Variants in ME1 observed in about 807,000 individuals in gnomAD.
ME1 encodes NADP-dependent malic enzyme.
ME1 carries 74 observed loss-of-function variants against 66.4 expected under a neutral mutation model. The ratio of observed to expected loss-of-function variants is 1.11; its 90% CI spans 0.92 to 1.35. ME1 has a LOEUF of 1.35. ME1 is among the 40% of genes most tolerant of loss of function. ME1 has a pLI of 0.00. For missense variants in ME1, 750 were observed against 694.1 expected, an observed-to-expected ratio of 1.08 and a Z score of -0.90; for synonymous variants, 251 against 235.6, an observed-to-expected ratio of 1.07 and a Z score of -0.60.
intron 6 of ME1, among the ~76,000 whole-genome samples, chr6:83,286,972 C>T: frequency 6.6e-6 from 1 of 152,044 alleles, no homozygotes; most frequent in South Asian, 2.1e-4. Context: ...TATTATTAAG[C>T]ACTTACTATA....
At chr6:83,315,675 G>C (rs1446851537) in intron 5 of ME1, among the ~76,000 whole-genome samples, 2 of 152,180 alleles carry the variant, frequency 1.3e-5, no homozygotes, top group Non-Finnish European at 2.9e-5. Flanking sequence ...GAGGCAGGCA[G>C]ATCACGAGGT....
In ME1 at chr6:83,216,602, G is replaced by A; in HGVS notation, c.1450-6C>T. The A allele has an allele frequency of 6.3e-7, 1 of 1,576,130 alleles. No homozygotes were observed. The highest frequency in any genetic ancestry group is 1.2e-5 in the South Asian group (1 of 85,562). ...GACACTTGCTGAGCTATAACCTTAT[G>A]AAAAAAAGAAAGAAAAAAAGTGTTT... is the stretch of plus-strand genomic sequence containing the variant. On this transcript the variant is annotated splice_region_variant and splice_polypyrimidine_tract_variant and intron_variant, in intron 12 of 13. Transcript: ENST00000369705.
At chr6:83,243,806 ATATAT>A (rs962284356) in intron 7 of ME1, among the ~76,000 whole-genome samples, 14 of 134,450 alleles carry the variant, frequency 1.0e-4, no homozygotes, top group Admixed American at 1.7e-4. Flanking sequence ...TTTATATATT[ATATAT>A]TATATTTATA....
At chr6:83,339,918 T>C (rs1313456134) in intron 5 of ME1, among the ~76,000 whole-genome samples, 2 of 137,248 alleles carry the variant, frequency 1.5e-5, no homozygotes, top group African/African-American at 5.5e-5. Flanking sequence ...CATGTATACA[T>C]ATGTAACTAA....
intron 6 of ME1, among the ~76,000 whole-genome samples, chr6:83,283,227 C>CAAAAACAAAAAAAAAA (rs1767336622): frequency 3.5e-5 from 1 of 28,900 alleles, no homozygotes; most frequent in Non-Finnish European, 6.8e-5. Flanking sequence ...GACTCCGTCT[C>CAAAAACAAAAAAAAAA]AAAAAAAAAA....
intron 6 of ME1, among the ~76,000 whole-genome samples, chr6:83,283,097 G>A (rs1195854764): frequency 6.7e-5 from 10 of 149,360 alleles, no homozygotes; most frequent in African/African-American, 1.7e-4. Flanking sequence ...GCGTGGTAGC[G>A]GGCGCCTGTA....
At chr6:83,234,294 C>T (rs1790355980) in intron 9 of ME1, among the ~76,000 whole-genome samples, 1 of 152,090 alleles carries the variant, frequency 6.6e-6, no homozygotes, top group South Asian at 2.1e-4. Flanking sequence ...TAGCTTTCTC[C>T]ACAGCTCCTA....
intron 6 of ME1, among the ~76,000 whole-genome samples, chr6:83,300,724 G>A (rs1228976554): frequency 7.0e-6 from 1 of 142,170 alleles, no homozygotes; most frequent in African/African-American, 2.7e-5. Flanking sequence ...TGCAAATCAT[G>A]CTGCTATAAA....
intron 5 of ME1, among the ~76,000 whole-genome samples, chr6:83,319,839 T>G (rs148027637): frequency 6.6e-6 from 1 of 152,238 alleles, no homozygotes; most frequent in South Asian, 2.1e-4. Flanking sequence ...TAGAGCCATA[T>G]GATTCCTACT....
intron 7 of ME1, among the ~76,000 whole-genome samples, chr6:83,245,505 A>C (rs1790602309): frequency 6.6e-6 from 1 of 152,114 alleles, no homozygotes; most frequent in African/African-American, 2.4e-5. Context: ...TCCCAGGTTC[A>C]AGCGATTCTC....
chr6:83,230,794 G>A (rs187198289), intron 9 of ME1, among the ~76,000 whole-genome samples: 151 of 152,148 alleles, frequency 9.9e-4, no homozygotes, highest in African/African-American at 3.1e-3. Context: ...TTAGCTGGGC[G>A]TGGTGGCAGG....
intron 6 of ME1, among the ~76,000 whole-genome samples, chr6:83,301,055 G>C (rs972386061): frequency 6.6e-6 from 1 of 152,104 alleles, no homozygotes; most frequent in African/African-American, 2.4e-5. Flanking sequence ...ATGGGATGGG[G>C]GGAGTGGGGA....
chr6:83,245,185 A>G (rs1001029678), intron 7 of ME1, among the ~76,000 whole-genome samples: 1 of 152,168 alleles, frequency 6.6e-6, no homozygotes, highest in Non-Finnish European at 1.5e-5. Context: ...CAAATATCTT[A>G]TTTTTATGTT....
At chr6:83,229,007 C>T in intron 9 of ME1, 76 bp from the exon 10 acceptor site, 2 of 900,674 alleles carry the variant, frequency 2.2e-6, no homozygotes, top group Non-Finnish European at 3.5e-6. Context: ...ACATATATTA[C>T]AAATATTTAT....
intron 7 of ME1, among the ~76,000 whole-genome samples, chr6:83,246,094 T>C (rs1464319953): frequency 2.2e-4 from 34 of 152,180 alleles, no homozygotes; most frequent in Admixed American, 2.2e-3. Context: ...TAATGAAGAA[T>C]GTCATTGATA....
At chr6:83,322,642 A>G (rs1768200803) in intron 5 of ME1, among the ~76,000 whole-genome samples, 1 of 152,214 alleles carries the variant, frequency 6.6e-6, no homozygotes, top group Non-Finnish European at 1.5e-5. Flanking sequence ...ACTTCCAAGA[A>G]ATATGGGACT....
chr6:83,422,162 TA>T (rs1770280608), intron 1 of ME1, among the ~76,000 whole-genome samples: 1 of 152,186 alleles, frequency 6.6e-6, no homozygotes, highest in Admixed American at 6.5e-5. Context: ...GATTTGACCT[TA>T]AACAGCATAC....
chr6:83,262,019 A>G (rs538570594), intron 6 of ME1, among the ~76,000 whole-genome samples: 7 of 150,806 alleles, frequency 4.6e-5, no homozygotes, highest in African/African-American at 1.5e-4. Context: ...ATCTCAAAAA[A>G]AAAAAAAAAA....
chr6:83,221,480 G>C (rs1055161452), intron 12 of ME1, among the ~76,000 whole-genome samples: 1 of 152,300 alleles, frequency 6.6e-6, no homozygotes, highest in East Asian at 1.9e-4. Flanking sequence ...TATGGGATGA[G>C]GGAGAATGAA....
Sources: gnomAD v4.1 joint callset for allele counts (sites outside exome capture counted in the v4.1 genomes callset) on GRCh38, gnomAD v4.1.1 for gene constraint, MANE v1.5 for transcripts, NCBI Gene and HGNC (gene_info 2026-07-23, HGNC 2026-07-21) for gene names.